The following IGDCC3 variants were observed in gnomAD, a reference collection of about 807,000 sequenced individuals.
The protein encoded by IGDCC3 is putative neuronal cell adhesion molecule.
In IGDCC3, 47 loss-of-function variants were observed where a neutral mutation model predicts 72.0. The ratio of observed to expected loss-of-function variants is 0.65; its 90% CI spans 0.52 to 0.83. The LOEUF is 0.83. Ranked by LOEUF, IGDCC3 falls within the 40% of genes least tolerant of loss-of-function variation. The pLI is 0.00. For synonymous variants in IGDCC3, 477 were observed against 472.8 expected (o/e 1.01, Z -0.11); for missense variants, 1,038 against 1,091.3 (o/e 0.95, Z 0.69).
intron 2 of IGDCC3, among the ~76,000 whole-genome samples, chr15:65,343,507 G>A (rs2091100193): frequency 6.6e-6 from 1 of 152,164 alleles, no homozygotes; most frequent in African/African-American, 2.4e-5. Context: ...TAGACAAGCT[G>A]TCAGTTGGAA....
chr15:65,331,161 G>A lies in IGDCC3; in HGVS notation c.1450C>T (p.Leu484=). 6.2e-7 allele frequency: 1 copy of A among 1,614,094 alleles called. No individual in the cohort carries two copies. Among genetic ancestry groups the A allele is most frequent in the Non-Finnish European group, 8.5e-7 (1 of 1,179,994 alleles). Residue 484 remains leucine (L), a synonymous_variant, in exon 9 of 14, where the codon CTG becomes TTG. Transcript: ENST00000327987. ...EAVSKSTFQH[L]VSDLEPSTAY... ...GTGGAGGGCTCCAGGTCGCTGACCAGGTGCTGAAAGGTGCTCTTGCTGACT... is the reference window on the plus strand; with the variant it reads ...GTGGAGGGCTCCAGGTCGCTGACCAAGTGCTGAAAGGTGCTCTTGCTGACT...
At chr15:65,374,576 A>G (rs998273467) in intron 2 of IGDCC3, among the ~76,000 whole-genome samples, 2 of 152,146 alleles carry the variant, frequency 1.3e-5, no homozygotes, top group Non-Finnish European at 2.9e-5. Flanking sequence ...TTATCCTACC[A>G]TATTTTTTTA....
chr15:65,376,270 A>G (rs554509016), intron 1 of IGDCC3, among the ~76,000 whole-genome samples: 7 of 152,350 alleles, frequency 4.6e-5, no homozygotes, highest in Admixed American at 3.9e-4. Flanking sequence ...GCAGGAAAAG[A>G]AGGAGGCCAA....
In IGDCC3 at chr15:65,334,833, T is replaced by C; in HGVS notation, c.718A>G (p.Ile240Val). ...SGSGAYKEPAILVGPENLTLT... is the reference protein window; with the variant it reads ...SGSGAYKEPAVLVGPENLTLT... ...GTGAGGTTCTCAGGCCCCACGAGGA[T>C]GGCTGGCTCCTTGTAGGCCCCAGAG... Residue 240 changes from isoleucine to valine, a missense_variant, in exon 5 of 14, where the codon ATC becomes GTC. Coordinates refer to ENST00000327987, the MANE Select transcript of IGDCC3 (RefSeq NM_004884.4). 6.2e-7 allele frequency: 1 copy of C among 1,613,294 alleles called. No homozygotes were observed. Among genetic ancestry groups the C allele is most frequent in the Non-Finnish European group, 8.5e-7 (1 of 1,179,670 alleles).
intron 2 of IGDCC3, among the ~76,000 whole-genome samples, chr15:65,337,964 G>C (rs955831194): frequency 3.3e-5 from 5 of 152,196 alleles, no homozygotes; most frequent in African/African-American, 7.2e-5. Context: ...GCTCCCTGGA[G>C]GCACCCAGTG....
intron 2 of IGDCC3, among the ~76,000 whole-genome samples, chr15:65,367,463 C>T (rs1285773116): frequency 1.3e-5 from 2 of 151,370 alleles, no homozygotes; most frequent in Non-Finnish European, 2.9e-5. Flanking sequence ...ACCAGCATGA[C>T]ACATGTATAC....
At chr15:65,338,746 G>A (rs999260727) in intron 2 of IGDCC3, among the ~76,000 whole-genome samples, 1 of 152,156 alleles carries the variant, frequency 6.6e-6, no homozygotes, top group Non-Finnish European at 1.5e-5. Flanking sequence ...AGCCACAAAT[G>A]AAGGGAGTGG....
chr15:65,347,672 TG>T (rs2091136163), intron 2 of IGDCC3, among the ~76,000 whole-genome samples: 5 of 152,338 alleles, frequency 3.3e-5, no homozygotes, highest in Middle Eastern at 3.4e-3. Context: ...GGCTCACGCC[TG>T]TAATCCCAGC....
rs1233447199 is a variant in IGDCC3, at chr15:65,328,963, C to T, written c.2391G>A (p.Gln797=). 6.3e-7 allele frequency: 1 copy of T among 1,588,866 alleles called. No homozygotes were observed. Among genetic ancestry groups the T allele is most frequent in the Non-Finnish European group, 8.5e-7 (1 of 1,170,132 alleles). Reference sequence around the variant, plus strand: ...CCCGGGCCGCTGCAGGCCTGGAAGCCTGGCCTTCACTGAGGAGGCCAGGGC... The same window carrying T: ...CCCGGGCCGCTGCAGGCCTGGAAGCTTGGCCTTCACTGAGGAGGCCAGGGC... ...DGGPGLLSEG[Q]ASRPAAARVT... The change falls in exon 14 of 14, where the codon CAG becomes CAA. Residue 797 remains glutamine, a synonymous_variant. Coordinates refer to ENST00000327987, the MANE Select transcript of IGDCC3 (RefSeq NM_004884.4).
chr15:65,334,754 C>T lies in IGDCC3; in HGVS notation c.797G>A (p.Arg266His), dbSNP rs376775861. Reference sequence around the variant, plus strand: ...CAGGCGGCTCCAGGACACAATGGGGCGCGGGTTGCCCGTGGCGACACACTC... The same window carrying T: ...CAGGCGGCTCCAGGACACAATGGGGTGCGGGTTGCCCGTGGCGACACACTC... ...VLECVATGNP[R>H]PIVSWSRLDG... is the part of the protein sequence containing the mutation. The change falls in exon 5 of 14, where the codon CGC (arginine) becomes CAC (histidine). Residue 266 changes from arginine to histidine, a missense_variant. Coordinates refer to ENST00000327987, the MANE Select transcript of IGDCC3 (RefSeq NM_004884.4). The T allele has an allele frequency of 1.9e-5, 30 of 1,590,370 alleles. No individual in the cohort carries two copies. Among genetic ancestry groups the T allele is most frequent in the Non-Finnish European group, 1.3e-5 (15 of 1,168,538 alleles).
At chr15:65,375,470 T>G in intron 1 of IGDCC3, 68 bp from the exon 2 acceptor site, 7 of 1,318,864 alleles carry the variant, frequency 5.3e-6, no homozygotes, top group Non-Finnish European at 7.3e-6. Context: ...CAGGAAGAAC[T>G]CCACCCACAT....
At chr15:65,375,472 C>T (rs1595768185) in intron 1 of IGDCC3, 70 bp from the exon 2 acceptor site, 2 of 1,310,108 alleles carry the variant, frequency 1.5e-6, no homozygotes, top group East Asian at 2.5e-5. Context: ...GGAAGAACTC[C>T]ACCCACATGG....
intron 5 of IGDCC3, among the ~76,000 whole-genome samples, chr15:65,333,810 T>C (rs2091000765): frequency 1.3e-5 from 2 of 152,302 alleles, no homozygotes; most frequent in East Asian, 1.9e-4. Context: ...TGTGACCTGG[T>C]TGGGGGGGGA....
At chr15:65,331,723 T>C in intron 7 of IGDCC3, 64 bp from the exon 8 acceptor site, 2 of 1,502,768 alleles carry the variant, frequency 1.3e-6, no homozygotes, top group South Asian at 2.7e-5. Flanking sequence ...TCTCCCCATT[T>C]GAAAGATGGA....
chr15:65,351,424 C>T (rs1454222393), intron 2 of IGDCC3, among the ~76,000 whole-genome samples: 2 of 151,522 alleles, frequency 1.3e-5, no homozygotes, highest in Non-Finnish European at 2.9e-5. Context: ...GTCCCAGCTA[C>T]TTGGGAGGCT....
chr15:65,366,207 CAA>C (rs35152855), intron 2 of IGDCC3, among the ~76,000 whole-genome samples: 12,078 of 76,466 alleles, frequency 0.16, 642 homozygotes, highest in East Asian at 0.4. Context: ...GACATTGTCT[CAA>C]AAAAAAAAAA....
At position 65,377,760 on chromosome 15, in the gene IGDCC3, C is replaced by T; in HGVS notation, c.29G>A (p.Arg10His). ...GGGCCAGAGCGGGGCGGGCGGGCGG[C>T]GCGGAGACGCGGCGCGCTGCACAGC... is the stretch of plus-strand genomic sequence containing the variant. MAVQRAASP[R>H]RPPAPLWPRL... Residue 10 changes from arginine (R) to histidine (H), a missense_variant, in exon 1 of 14, where the codon CGC becomes CAC. Coordinates refer to ENST00000327987, the MANE Select transcript of IGDCC3 (RefSeq NM_004884.4). The surrounding 1 kb of genome is among the most constrained non-coding windows in gnomAD (Gnocchi z 4.9). 1 of 1,303,434 alleles carries T rather than the reference C, an allele frequency of 7.7e-7. No individual in the cohort carries two copies. Among genetic ancestry groups the T allele is most frequent in the Non-Finnish European group, 9.7e-7 (1 of 1,031,712 alleles). 80.7% of individuals were successfully genotyped at this position (1,303,434 alleles called of 1,614,324 possible). A position where few individuals can be genotyped will look rare whatever the true frequency, so the allele number is the denominator to read the frequency against.
At chr15:65,351,240 T>A (rs2091170378) in intron 2 of IGDCC3, among the ~76,000 whole-genome samples, 1 of 152,216 alleles carries the variant, frequency 6.6e-6, no homozygotes, top group African/African-American at 2.4e-5. Flanking sequence ...ATAAAAGGTT[T>A]ATAAGAATCT....
chr15:65,362,197 C>A lies in IGDCC3; in HGVS notation c.409+12900G>T, dbSNP rs575528651. Among the ~76,000 whole-genome samples the A allele has an allele frequency of 1.4e-4, 21 of 152,028 alleles. No homozygotes were observed. The South Asian group carries it at 4.4e-3, about 32-fold the overall frequency. On this transcript the variant is annotated intron_variant, in intron 2 of 13. Coordinates refer to ENST00000327987, the MANE Select transcript of IGDCC3 (RefSeq NM_004884.4). ...AATGGGGTAGTGTCCGAGAACTTTA[C>A]AATTGGGAAGGGATTTTAGGAATGT...
Sources: allele counts gnomAD v4.1 joint callset (sites outside exome capture counted in the v4.1 genomes callset), GRCh38; gene constraint gnomAD v4.1.1; non-coding constraint Gnocchi (gnomAD v3.1); transcripts MANE v1.5; gene names NCBI Gene and HGNC (gene_info 2026-07-23, HGNC 2026-07-21).